Variants in EXT1 observed in about 807,000 individuals in gnomAD.
The protein encoded by EXT1 is exostosin glycosyltransferase 1.
EXT1 carries 20 observed loss-of-function variants against 82.5 expected under a neutral mutation model. The observed-to-expected ratio is 0.24, with a 90% CI of 0.17 to 0.35. The LOEUF (loss-of-function observed/expected upper bound fraction) is 0.35. Among genes scored for constraint, EXT1 ranks in the 10% least tolerant of loss-of-function variants. The pLI is 1.00. For synonymous variants in EXT1, 348 were observed against 350.8 expected (o/e 0.99, Z 0.09); for missense variants, 757 against 936.5 (o/e 0.81, Z 2.50).
At chr8:118,097,722 C>G (rs780167511) in intron 1 of EXT1, among the ~76,000 whole-genome samples, 32 of 152,210 alleles carry the variant, frequency 2.1e-4, no homozygotes, top group Non-Finnish European at 4.4e-4. Context: ...TTCTTATTCA[C>G]TGTTGAATCC....
intron 1 of EXT1, among the ~76,000 whole-genome samples, chr8:117,849,461 T>C (rs200175057): frequency 6.6e-6 from 1 of 152,246 alleles, no homozygotes; most frequent in East Asian, 1.9e-4. Context: ...CTCATGGGTT[T>C]ATAAAGCCTA....
chr8:118,047,680 G>A (rs888343879), intron 1 of EXT1, among the ~76,000 whole-genome samples: 12 of 152,084 alleles, frequency 7.9e-5, no homozygotes, highest in Non-Finnish European at 1.5e-4. Context: ...ACACTCACTT[G>A]GGGATGCCAG....
intron 1 of EXT1, among the ~76,000 whole-genome samples, chr8:117,966,009 C>T (rs1187582888): frequency 6.6e-6 from 1 of 151,936 alleles, no homozygotes; most frequent in East Asian, 1.9e-4. Flanking sequence ...CACACACACA[C>T]ACATATATAC....
At chr8:117,980,661 T>C (rs1563619694) in intron 1 of EXT1, among the ~76,000 whole-genome samples, 1 of 151,586 alleles carries the variant, frequency 6.6e-6, no homozygotes, top group Non-Finnish European at 1.5e-5. Flanking sequence ...CCAGATGGTC[T>C]TTTATGAGGG....
At chr8:117,915,697 A>G (rs1813734551) in intron 1 of EXT1, among the ~76,000 whole-genome samples, 1 of 152,158 alleles carries the variant, frequency 6.6e-6, no homozygotes, top group Non-Finnish European at 1.5e-5. Flanking sequence ...TCTGCTAAAA[A>G]TACAGAAAGT....
intron 1 of EXT1, among the ~76,000 whole-genome samples, chr8:117,967,038 T>C (rs896521451): frequency 6.6e-6 from 1 of 152,240 alleles, no homozygotes; most frequent in African/African-American, 2.4e-5. Context: ...TGAAAAACAT[T>C]TTGCTTCCTC....
intron 1 of EXT1, among the ~76,000 whole-genome samples, chr8:118,107,505 T>C (rs1270305294): frequency 1.3e-5 from 2 of 152,116 alleles, no homozygotes; most frequent in Non-Finnish European, 2.9e-5. Context: ...AACTTCAATA[T>C]CGCCTCCACC....
At chr8:117,983,491 A>G (rs1815249355) in intron 1 of EXT1, among the ~76,000 whole-genome samples, 1 of 152,274 alleles carries the variant, frequency 6.6e-6, no homozygotes, top group African/African-American at 2.4e-5. Context: ...CTTAAATAAT[A>G]TTTTTAAAAA....
intron 1 of EXT1, among the ~76,000 whole-genome samples, chr8:117,926,941 T>A (rs766861636): frequency 5.9e-5 from 9 of 152,224 alleles, no homozygotes; most frequent in Middle Eastern, 3.2e-3. Context: ...TCAACATATT[T>A]CATCCGTCTC....
chr8:117,872,475 A>C (rs1224688164), intron 1 of EXT1, among the ~76,000 whole-genome samples: 2 of 151,522 alleles, frequency 1.3e-5, no homozygotes, highest in Non-Finnish European at 2.9e-5. Flanking sequence ...ACAGATAAGA[A>C]CTCAGAATAA....
At chr8:117,979,522 A>T (rs1815140356) in intron 1 of EXT1, among the ~76,000 whole-genome samples, 1 of 151,528 alleles carries the variant, frequency 6.6e-6, no homozygotes, top group Non-Finnish European at 1.5e-5. Flanking sequence ...ACTCAAAACG[A>T]AACATCAAAA....
At chr8:117,851,649 A>ACACACACACC (rs1338244180) in intron 1 of EXT1, among the ~76,000 whole-genome samples, 3 of 144,502 alleles carry the variant, frequency 2.1e-5, no homozygotes, top group African/African-American at 5.2e-5. Flanking sequence ...ACACACACAC[A>ACACACACACC]CCATTATTTA....
chr8:118,092,524 ACAGCCACTGACT>A (rs1817540546), intron 1 of EXT1, among the ~76,000 whole-genome samples: 1 of 152,216 alleles, frequency 6.6e-6, no homozygotes, highest in South Asian at 2.1e-4. Flanking sequence ...TTCAAGGGCT[ACAGCCACTGACT>A]TACTGCCCCT....
At chr8:118,007,710 G>A (rs1361034287) in intron 1 of EXT1, among the ~76,000 whole-genome samples, 3 of 152,200 alleles carry the variant, frequency 2.0e-5, no homozygotes, top group African/African-American at 7.2e-5. Flanking sequence ...AGTTTCATTC[G>A]CATCACCAGA....
intron 9 of EXT1, among the ~76,000 whole-genome samples, chr8:117,806,763 CTGTTA>C (rs1429433562): frequency 3.3e-5 from 5 of 152,200 alleles, no homozygotes; most frequent in Non-Finnish European, 7.3e-5. Flanking sequence ...TACACTTTGT[CTGTTA>C]TATCACTTAT....
At chr8:117,845,167 T>G (rs1245207778) in intron 1 of EXT1, among the ~76,000 whole-genome samples, 1 of 152,202 alleles carries the variant, frequency 6.6e-6, no homozygotes, top group African/African-American at 2.4e-5. Context: ...TTTTGTGGGC[T>G]GGGGCTGAGG....
chr8:117,994,428 AT>A (rs1198171997), intron 1 of EXT1, among the ~76,000 whole-genome samples: 1 of 152,176 alleles, frequency 6.6e-6, no homozygotes, highest in Non-Finnish European at 1.5e-5. Flanking sequence ...CCTGAGCAAC[AT>A]GGCAAAGCCC....
intron 1 of EXT1, among the ~76,000 whole-genome samples, chr8:117,984,245 C>G (rs1387569030): frequency 7.9e-5 from 12 of 151,322 alleles, no homozygotes; most frequent in Admixed American, 5.3e-4. Context: ...ATGGCAAAAC[C>G]CTGTCTTTAC....
intron 1 of EXT1, among the ~76,000 whole-genome samples, chr8:117,857,659 C>G (rs569866379): frequency 2.0e-5 from 3 of 152,186 alleles, no homozygotes; most frequent in African/African-American, 7.2e-5. Flanking sequence ...ATGACAGCAC[C>G]ACTGCACTCC....
Sources: gnomAD v4.1 joint callset for allele counts (sites outside exome capture counted in the v4.1 genomes callset) on GRCh38, gnomAD v4.1.1 for gene constraint, MANE v1.5 for transcripts, NCBI Gene and HGNC (gene_info 2026-07-23, HGNC 2026-07-21) for gene names.